The following A1CF variants were observed in gnomAD, a reference collection of about 807,000 sequenced individuals.
A1CF encodes APOBEC1 complementation factor, also known as APOBEC-1 stimulating protein.
Under a neutral mutation model 68.9 loss-of-function variants are expected in A1CF, and 48 were observed. That is an observed-to-expected ratio of 0.70 (90% CI 0.55 to 0.89). A1CF has a LOEUF of 0.89. A1CF is among the 40% of genes least tolerant of loss of function. A1CF has a pLI of 0.00. For synonymous variants in A1CF, 272 were observed against 260.4 expected, an observed-to-expected ratio of 1.04 and a Z score of -0.43; for missense variants, 653 against 718.9, an observed-to-expected ratio of 0.91 and a Z score of 1.05.
intron 3 of A1CF, among the ~76,000 whole-genome samples, chr10:50,847,885 G>A (rs1211050335): frequency 6.6e-6 from 1 of 152,068 alleles, no homozygotes; most frequent in Non-Finnish European, 1.5e-5. Context: ...GTGGTTTTGG[G>A]TTTTGTTCTT....
Position 50,805,637 on chromosome 10 carries a change from A to T in A1CF, c.*1092T>A, listed in dbSNP as rs1236245503. 1 of 152,240 alleles carries T rather than the reference A, an allele frequency of 6.6e-6. No homozygotes were observed. The highest frequency in any genetic ancestry group is 2.4e-5 in the African/African-American group (1 of 41,468). The allele number at this position is 152,240 out of a possible 1,614,324, so 9.4% of individuals were successfully genotyped here. On this transcript the variant is annotated 3_prime_UTR_variant, in exon 13 of 13. Coordinates refer to ENST00000373997, the MANE Select transcript of A1CF (RefSeq NM_014576.4). The stretch of plus-strand genomic sequence containing the variant: ...GCTGCCTGATACTTACTGAAACAAA[A>T]AGGAAGGAAAGTTAGAGGATTTCCT...
At chr10:50,855,765 A>G (rs1343883678) in intron 3 of A1CF, among the ~76,000 whole-genome samples, 1 of 152,010 alleles carries the variant, frequency 6.6e-6, no homozygotes, top group Non-Finnish European at 1.5e-5. Flanking sequence ...TTCTGTAAAT[A>G]TTCAACATTC....
At chr10:50,830,002 GA>G (rs1301764714) in intron 6 of A1CF, among the ~76,000 whole-genome samples, 7 of 152,090 alleles carry the variant, frequency 4.6e-5, no homozygotes, top group Admixed American at 6.6e-5. Context: ...ATGATTAAAT[GA>G]AGCTAATTAA....
At chr10:50,809,221 C>A (rs1053189745) in intron 12 of A1CF, among the ~76,000 whole-genome samples, 1 of 152,184 alleles carries the variant, frequency 6.6e-6, no homozygotes. Flanking sequence ...TCAGCATATG[C>A]CCCAGACCAA....
At chr10:50,878,448 TCA>T (rs1841617398) in intron 1 of A1CF, among the ~76,000 whole-genome samples, 1 of 152,214 alleles carries the variant, frequency 6.6e-6, no homozygotes, top group Non-Finnish European at 1.5e-5. Flanking sequence ...GAGGAAATAG[TCA>T]CAGAGTTCAG....
Position 50,816,379 on chromosome 10 carries a change from T to C in A1CF, c.868-100A>G, listed in dbSNP as rs1037903491. 3 of 1,287,656 alleles carry C rather than the reference T, an allele frequency of 2.3e-6. No individual in the cohort carries two copies. In the African/African-American group the frequency reaches 4.4e-5, roughly 19 times the overall value. The allele number at this position is 1,287,656 out of a possible 1,614,324, so 79.8% of individuals were successfully genotyped here. On this transcript the variant is annotated intron_variant, in intron 8 of 12. Coordinates refer to ENST00000373997, the MANE Select transcript of A1CF (RefSeq NM_014576.4). Reference sequence around the variant, plus strand: ...TGACTCCTTCTAAGTGTTAGACTATTTGCTGTAGGTTTATTGATTGTATCT... The same window carrying C: ...TGACTCCTTCTAAGTGTTAGACTATCTGCTGTAGGTTTATTGATTGTATCT...
At chr10:50,821,975 A>G (rs1489442416) in intron 7 of A1CF, among the ~76,000 whole-genome samples, 1 of 152,234 alleles carries the variant, frequency 6.6e-6, no homozygotes, top group African/African-American at 2.4e-5. Context: ...CTGAAAAGAT[A>G]GAGACCAAAC....
At chr10:50,876,040 A>G (rs1841496584) in intron 1 of A1CF, among the ~76,000 whole-genome samples, 1 of 152,152 alleles carries the variant, frequency 6.6e-6, no homozygotes, top group Admixed American at 6.5e-5. Context: ...TTTTTATTTT[A>G]CCTAGGCGCC....
chr10:50,807,659 A>C (rs183666386), intron 12 of A1CF, among the ~76,000 whole-genome samples: 1 of 152,342 alleles, frequency 6.6e-6, no homozygotes, highest in East Asian at 1.9e-4. Flanking sequence ...CTTTTGAAGA[A>C]GAGAGCATAT....
intron 1 of A1CF, among the ~76,000 whole-genome samples, chr10:50,866,244 G>A (rs1474045434): frequency 1.3e-5 from 2 of 152,172 alleles, no homozygotes; most frequent in Non-Finnish European, 2.9e-5. Flanking sequence ...AAAATTCAGA[G>A]TGCAGAGTGA....
intron 4 of A1CF, among the ~76,000 whole-genome samples, chr10:50,842,978 C>A (rs1375927478): frequency 6.6e-6 from 1 of 152,188 alleles, no homozygotes; most frequent in Non-Finnish European, 1.5e-5. Context: ...CCACAACTGT[C>A]CTGCAGCAAT....
chr10:50,870,109 A>G (rs1841179606), intron 1 of A1CF, among the ~76,000 whole-genome samples: 1 of 151,936 alleles, frequency 6.6e-6, no homozygotes, highest in Non-Finnish European at 1.5e-5. Flanking sequence ...TTAAAGAAGT[A>G]TAATTGGGAT....
chr10:50,822,885 C>A (rs139591511), intron 7 of A1CF: 58 of 152,240 alleles, frequency 3.8e-4, no homozygotes, highest in African/African-American at 1.4e-3. Context: ...CACCTAGGCT[C>A]ACTGGTCTGT....
Position 50,806,028 on chromosome 10 carries a change from C to G in A1CF, c.*701G>C, listed in dbSNP as rs1837799453. ...GGAAAAATAGGTGTGGACTAATGAG[C>G]TGAATAAACAATGGGGCCTGGATTT... is the stretch of plus-strand genomic sequence containing the variant. On this transcript the variant is annotated 3_prime_UTR_variant, in exon 13 of 13. Transcript: ENST00000373997. 1 of 152,138 alleles carries G rather than the reference C, an allele frequency of 6.6e-6. No individual in the cohort carries two copies. The highest frequency in any genetic ancestry group is 2.4e-5 in the African/African-American group (1 of 41,440). 9.4% of individuals were successfully genotyped at this position (152,138 alleles called of 1,614,324 possible).
At chr10:50,871,131 C>T (rs1011960996) in intron 1 of A1CF, among the ~76,000 whole-genome samples, 1 of 151,622 alleles carries the variant, frequency 6.6e-6, no homozygotes, top group African/African-American at 2.4e-5. Flanking sequence ...AAACATTATA[C>T]TTAGTAATGA....
intron 3 of A1CF, among the ~76,000 whole-genome samples, chr10:50,844,843 AGTT>A (rs1839928082): frequency 2.6e-5 from 4 of 152,300 alleles, no homozygotes; most frequent in Admixed American, 2.0e-4. Context: ...GACATATGTT[AGTT>A]GTTTAAATAC....
intron 9 of A1CF, 133 bp from the exon 10 acceptor site, chr10:50,814,171 T>A: frequency 1.1e-6 from 1 of 887,074 alleles, no homozygotes; most frequent in Non-Finnish European, 1.7e-6. Flanking sequence ...GCCCTGAAGA[T>A]GGGTGGGAGA....
At chr10:50,829,057 T>G (rs1839109995) in intron 6 of A1CF, among the ~76,000 whole-genome samples, 1 of 152,172 alleles carries the variant, frequency 6.6e-6, no homozygotes, top group Non-Finnish European at 1.5e-5. Context: ...TTTTATTGAG[T>G]GTCTTGTACT....
At chr10:50,820,839 CTTA>C (rs1370722048) in intron 7 of A1CF, among the ~76,000 whole-genome samples, 190 bp from the exon 8 acceptor site, 5 of 152,002 alleles carry the variant, frequency 3.3e-5, no homozygotes, top group African/African-American at 7.3e-5. Context: ...TATATTCTGA[CTTA>C]TTATAATTTG....
Sources: gnomAD v4.1 joint callset for allele counts (sites outside exome capture counted in the v4.1 genomes callset) on GRCh38, gnomAD v4.1.1 for gene constraint, MANE v1.5 for transcripts, NCBI Gene and HGNC (gene_info 2026-07-23, HGNC 2026-07-21) for gene names.